FLG: variants seen among roughly 807,000 people sequenced by gnomAD.
FLG encodes epidermal filaggrin.
In FLG, 6 loss-of-function variants were observed where a neutral mutation model predicts 3.8. The observed-to-expected ratio is 1.60, with a 90% CI of 0.87 to 3.15. FLG has a LOEUF of 3.15. Among genes scored for constraint, FLG ranks in the 30% most tolerant of loss-of-function variants. The pLI is 0.00. For synonymous variants in FLG, 2,551 were observed against 1,931.6 expected (o/e 1.32, Z -8.41); for missense variants, 7,595 against 5,050.9 (o/e 1.50, Z -15.27).
Position 152,308,746 on chromosome 1 carries a change from C to T in FLG, c.6140G>A (p.Ser2047Asn), listed in dbSNP as rs758506209. 102 of 1,614,052 alleles carry T rather than the reference C, an allele frequency of 6.3e-5. No individual in the cohort carries two copies. The highest frequency in any genetic ancestry group is 1.6e-4 in the Middle Eastern group (1 of 6,082). The change falls in exon 3 of 3, where the codon AGT becomes AAT. Residue 2047 changes from serine to asparagine, a missense_variant. Physicochemically the swap from Ser to Asn is conservative, Grantham distance 46 (BLOSUM62 1). Transcript: ENST00000368799. ...RGYSGSQASD[S>N]EGHSEDSDTQ... Reference sequence around the variant, plus strand: ...GTCTGAGTCTTCTGAATGTCCCTCACTGTCACTGGCCTGACTACCACTGTA... The same window carrying T: ...GTCTGAGTCTTCTGAATGTCCCTCATTGTCACTGGCCTGACTACCACTGTA...
rs141571186 is a variant in FLG at position 152,308,028 on chromosome 1, G to A, written c.6858C>T (p.His2286=). Residue 2286 remains histidine, a synonymous_variant, in exon 3 of 3, where the codon CAC becomes CAT. Coordinates refer to ENST00000368799, the MANE Select transcript of FLG (RefSeq NM_002016.2). The part of the protein sequence containing the change: ...RDGSRHPRSH[H]EDRAGHGHSA... ...AGTGCCCATGACCGGCTCTGTCTTC[G>A]TGATGGGACCTGGGGTGTCTGGAGC... is the stretch of plus-strand genomic sequence containing the variant. 2.0e-5 allele frequency: 33 copies of A among 1,613,944 alleles called. No homozygotes were observed. The highest frequency in any genetic ancestry group is 5.0e-5 in the Admixed American group (3 of 60,006).
In FLG at chr1:152,308,578, G is replaced by C. The variant is rs565740303; in HGVS notation, c.6308C>G (p.Thr2103Ser). 6.2e-7 allele frequency: 1 copy of C among 1,613,236 alleles called. No individual in the cohort carries two copies. Among genetic ancestry groups the C allele is most frequent in the Non-Finnish European group, 8.5e-7 (1 of 1,179,300 alleles). Residue 2103 changes from threonine (T) to serine (S), a missense_variant, in exon 3 of 3, where the codon ACC becomes AGC. Transcript: ENST00000368799. ...QVSTHEQSES[T>S]HGQSAPSTGG... is the part of the protein sequence containing the mutation. ...AGTGCTGGGCGCAGACTGTCCATGG[G>C]TGGACTCAGACTGTTCATGAGTGCT...
At position 152,309,343 on chromosome 1, in the gene FLG, G is replaced by T; in HGVS notation, c.5543C>A (p.Ser1848Tyr). 2 of 1,613,882 alleles carry T rather than the reference G, an allele frequency of 1.2e-6. No homozygotes were observed. Among genetic ancestry groups the T allele is most frequent in the Non-Finnish European group, 1.7e-6 (2 of 1,179,986 alleles). Residue 1848 changes from serine (S) to tyrosine (Y), a missense_variant, in exon 3 of 3, where the codon TCC (serine) becomes TAC (tyrosine). Coordinates refer to ENST00000368799, the MANE Select transcript of FLG (RefSeq NM_002016.2). The stretch of plus-strand genomic sequence containing the variant: ...ACGGGAGACATCAGACCTTTCCTGG[G>T]ACGTGGTGTGGCTGTGATGAGACCC... ...HSGSHHSHTT[S>Y]QERSDVSRGQ...
At position 152,315,331 on chromosome 1, in the gene FLG, C is replaced by T. The variant is rs749577893; in HGVS notation, c.126G>A (p.Arg42=). The change falls in exon 2 of 3, where the codon CGG becomes CGA. Residue 42 remains arginine, a synonymous_variant. Coordinates refer to ENST00000368799, the MANE Select transcript of FLG (RefSeq NM_002016.2). ...CAGAGACTCTTACCTTCAGGATTTG[C>T]CGAAATTCCTTTTCCAGAAGTTCCT... ...ELKELLEKEF[R]QILKNPDDPD... The T allele has an allele frequency of 1.2e-6, 2 of 1,613,242 alleles. No homozygotes were observed. Among genetic ancestry groups the T allele is most frequent in the Non-Finnish European group, 1.7e-6 (2 of 1,179,518 alleles).
At position 152,310,321 on chromosome 1, in the gene FLG, G is replaced by T; in HGVS notation, c.4565C>A (p.Thr1522Asn). 6.2e-7 allele frequency: 1 copy of T among 1,613,862 alleles called. No homozygotes were observed. The highest frequency in any genetic ancestry group is 8.5e-7 in the Non-Finnish European group (1 of 1,179,960). Residue 1522 changes from threonine (T) to asparagine (N), a missense_variant, in exon 3 of 3, where the codon ACC becomes AAC. Thr to Asn is a moderately conservative substitution (Grantham distance 65). Coordinates refer to ENST00000368799, the MANE Select transcript of FLG (RefSeq NM_002016.2). ...GGCATCAGACCTTCCCTGGGGTGTG[G>T]TGTGGCTGTGATGGTACCCTGAGTG... is the stretch of plus-strand genomic sequence containing the variant. Reference protein sequence around the residue: ...SGHSGYHHSHTTPQGRSDASH... With the variant: ...SGHSGYHHSHNTPQGRSDASH...
At chr1:152,316,730 T>C (rs996347056) in intron 1 of FLG, among the ~76,000 whole-genome samples, 16 of 152,174 alleles carry the variant, frequency 1.1e-4, no homozygotes, top group Non-Finnish European at 1.9e-4. Context: ...TCTCACTCTT[T>C]GACCTTCTCT....
Position 152,309,671 on chromosome 1 carries a change from G to C in FLG, c.5215C>G (p.Gln1739Glu), listed in dbSNP as rs1457441974. Residue 1739 changes from glutamine to glutamate, a missense_variant, in exon 3 of 3, where the codon CAG becomes GAG. Transcript: ENST00000368799. ...SDTQSVSAHG[Q>E]AGPHQQSHQE... is the part of the protein sequence containing the mutation. ...TGGCTCTGCTGATGGGGCCCAGCCT[G>C]TCCGTGGGCTGACACTGACTGTGTG... 1 of 1,613,816 alleles carries C rather than the reference G, an allele frequency of 6.2e-7. No individual in the cohort carries two copies. Among genetic ancestry groups the C allele is most frequent in the African/African-American group, 1.3e-5 (1 of 74,864 alleles).
In FLG at chr1:152,311,488, C is replaced by A. The variant is rs773295506; in HGVS notation, c.3398G>T (p.Arg1133Leu). Reference protein sequence around the residue: ...THEQSESAHGRTRTSTGRRQG... With the variant: ...THEQSESAHGLTRTSTGRRQG... ...TCTTCGTCCAGTGCTGGTCCTGGTC[C>A]GCCCATGGGCAGACTCAGACTGTTC... The change falls in exon 3 of 3, where the codon CGG becomes CTG. Residue 1133 changes from arginine (R) to leucine (L), a missense_variant. Arg to Leu is a moderately radical substitution (Grantham distance 102, BLOSUM62 -2). Transcript: ENST00000368799. 3.1e-6 allele frequency: 5 copies of A among 1,613,500 alleles called. No individual in the cohort carries two copies. The highest frequency in any genetic ancestry group is 1.1e-5 in the South Asian group (1 of 91,052).
In FLG at chr1:152,303,376, G is replaced by C. The variant is rs1320280669; in HGVS notation, c.11510C>G (p.Ala3837Gly). 7 of 1,614,064 alleles carry C rather than the reference G, an allele frequency of 4.3e-6. No homozygotes were observed. The highest frequency in any genetic ancestry group is 1.3e-5 in the African/African-American group (1 of 74,928). The change falls in exon 3 of 3, where the codon GCT becomes GGT. Residue 3837 changes from alanine (A) to glycine (G), a missense_variant. Physicochemically the swap from Ala to Gly is moderately conservative, Grantham distance 60 (BLOSUM62 0). Coordinates refer to ENST00000368799, the MANE Select transcript of FLG (RefSeq NM_002016.2). The part of the protein sequence containing the change: ...GSRHHEASTQ[A>G]DSSRHSQSGQ... Reference sequence around the variant, plus strand: ...GGACTGTGAGTGTCTAGAGCTGTCAGCCTGAGTGGAAGCTTCATGGTGACG... The same window carrying C: ...GGACTGTGAGTGTCTAGAGCTGTCACCCTGAGTGGAAGCTTCATGGTGACG...
chr1:152,313,396 T>C lies in FLG; in HGVS notation c.1490A>G (p.His497Arg), dbSNP rs1470977326. The change falls in exon 3 of 3, where the codon CAC becomes CGC. Residue 497 changes from histidine to arginine, a missense_variant. Transcript: ENST00000368799. ...CCTGGAGCTGTCTCGTGCCTGCTCG[T>C]GGTGCGATCCTTGTCTTCCTCCAGT... ...TSTGGRQGSHHEQARDSSRHS... is the reference protein window; with the variant it reads ...TSTGGRQGSHREQARDSSRHS... 6.2e-7 allele frequency: 1 copy of C among 1,613,694 alleles called. No homozygotes were observed. Among genetic ancestry groups the C allele is most frequent in the Non-Finnish European group, 8.5e-7 (1 of 1,179,908 alleles).
Position 152,304,589 on chromosome 1 carries a change from T to A in FLG, c.10297A>T (p.Thr3433Ser). The part of the protein sequence containing the change: ...RHSASQEGQD[T>S]IRGHPGSSRR... ...CTTGACCCCGGGTGTCCACGAATGG[T>A]GTCCTGACCCTCTTGGGACGCTGAG... The change falls in exon 3 of 3, where the codon ACC becomes TCC. Residue 3433 changes from threonine (T) to serine (S), a missense_variant. Thr to Ser is a moderately conservative substitution (Grantham distance 58, BLOSUM62 1). Transcript: ENST00000368799. 1 of 1,610,178 alleles carries A rather than the reference T, an allele frequency of 6.2e-7. No homozygotes were observed. Among genetic ancestry groups the A allele is most frequent in the Non-Finnish European group, 8.5e-7 (1 of 1,178,250 alleles).
In FLG at chr1:152,307,035, C is replaced by T. The variant is rs775204694; in HGVS notation, c.7851G>A (p.Gly2617=). ...RSHQEDRAGH[G]HSADSSRQSG... Reference sequence around the variant, plus strand: ...ATTGTCTGGAGCTGTCTGCAGAGTGCCCATGACCAGCTCTGTCTTCTTGAT... The same window carrying T: ...ATTGTCTGGAGCTGTCTGCAGAGTGTCCATGACCAGCTCTGTCTTCTTGAT... Residue 2617 remains glycine (G), a synonymous_variant, in exon 3 of 3, where the codon GGG becomes GGA. Coordinates refer to ENST00000368799, the MANE Select transcript of FLG (RefSeq NM_002016.2). The T allele has an allele frequency of 6.2e-7, 1 of 1,603,610 alleles. No individual in the cohort carries two copies. The highest frequency in any genetic ancestry group is 1.7e-5 in the Admixed American group (1 of 58,908).
At position 152,312,909 on chromosome 1, in the gene FLG, G is replaced by A. The variant is rs760567396; in HGVS notation, c.1977C>T (p.His659=). The change falls in exon 3 of 3, where the codon CAC becomes CAT. Residue 659 remains histidine (H), a synonymous_variant. Coordinates refer to ENST00000368799, the MANE Select transcript of FLG (RefSeq NM_002016.2). ...AQEQSRDGSR[H]PRSHHEDRAG... ...CTCTGTCTTCGTGATGGGACCTGGG[G>A]TGTCTGGAGCCATCTCTTGACTGCT... The A allele has an allele frequency of 1.2e-6, 2 of 1,614,034 alleles. No homozygotes were observed. The highest frequency in any genetic ancestry group is 1.7e-5 in the Admixed American group (1 of 60,022).
chr1:152,307,644 G>A lies in FLG; in HGVS notation c.7242C>T (p.Phe2414=). The A allele has an allele frequency of 6.2e-7, 1 of 1,613,506 alleles. No individual in the cohort carries two copies. The highest frequency in any genetic ancestry group is 8.5e-7 in the Non-Finnish European group (1 of 1,179,882). The part of the protein sequence containing the change: ...SAGRSGRSGS[F]LYQVSTHEQS... ...GTTCATGAGTGCTCACCTGGTAGAG[G>A]AAAGACCCTGAACGTCCAGACCTTC... Residue 2414 remains phenylalanine, a synonymous_variant, in exon 3 of 3, where the codon TTC becomes TTT. Transcript: ENST00000368799.
chr1:152,310,591 C>CTG lies in FLG; in HGVS notation c.4294_4295insCA (p.Gly1432AlafsTer15). 1 of 1,613,948 alleles carries CTG rather than the reference C, an allele frequency of 6.2e-7. No homozygotes were observed. Among genetic ancestry groups the CTG allele is most frequent in the Non-Finnish European group, 8.5e-7 (1 of 1,179,958 alleles). ...AGACCTTGAACGTCCAGAGCTTTCC[C>CTG]CTGACTGGCCACGTGCGGACTCTTT... On this transcript the variant is annotated frameshift_variant, in exon 3 of 3. Coordinates refer to ENST00000368799, the MANE Select transcript of FLG (RefSeq NM_002016.2). LOFTEE classifies it low-confidence loss of function (END_TRUNC).
Position 152,314,728 on chromosome 1 carries a change from A to T in FLG, c.158T>A (p.Met53Lys). 1 of 1,613,952 alleles carries T rather than the reference A, an allele frequency of 6.2e-7. No homozygotes were observed. The highest frequency in any genetic ancestry group is 8.5e-7 in the Non-Finnish European group (1 of 1,179,814). ...CAAGTGATCCATGAAGACATCAACC[A>T]TATCTGGGTCATCTGGATTCTGTAC... ...QILKNPDDPD[M>K]VDVFMDHLDI... The change falls in exon 3 of 3, where the codon ATG (methionine) becomes AAG (lysine). Residue 53 changes from methionine (M) to lysine (K), a missense_variant. Physicochemically the swap from Met to Lys is moderately conservative, Grantham distance 95. Transcript: ENST00000368799.
chr1:152,314,512 G>A lies in FLG; in HGVS notation c.374C>T (p.Pro125Leu), dbSNP rs1398839127. Residue 125 changes from proline (P) to leucine (L), a missense_variant, in exon 3 of 3, where the codon CCC becomes CTC. Physicochemically the swap from Pro to Leu is moderately conservative, Grantham distance 98. Coordinates refer to ENST00000368799, the MANE Select transcript of FLG (RefSeq NM_002016.2). ...QEENKENRKR[P>L]SSLERRNNRK... is the part of the protein sequence containing the mutation. ...ATTGTTTCTTCTTTCCAGACTTGAG[G>A]GTCTTTTTCTGTTTTCTTTGTTTTC... 2 of 1,612,510 alleles carry A rather than the reference G, an allele frequency of 1.2e-6. No homozygotes were observed. The highest frequency in any genetic ancestry group is 2.2e-5 in the South Asian group (2 of 90,988).
chr1:152,323,399 C>T (rs918162580), intron 1 of FLG, among the ~76,000 whole-genome samples: 1 of 151,502 alleles, frequency 6.6e-6, no homozygotes, highest in Non-Finnish European at 1.5e-5. Context: ...CACATTTAAC[C>T]AATAAAGGAA....
Position 152,306,253 on chromosome 1 carries a change from G to C in FLG, c.8633C>G (p.Ser2878Ter). Residue 2878 changes from serine (S) to a stop codon, truncating the protein, a stop_gained, in exon 3 of 3, where the codon TCA (serine) becomes TGA (stop). Coordinates refer to ENST00000368799, the MANE Select transcript of FLG (RefSeq NM_002016.2). LOFTEE classifies it low-confidence loss of function (END_TRUNC). ...GCGCCTGCTTCTCCTGGACCCCTCTGATTGTCCCTGGACTGCCTGTGAGTG... is the reference window on the plus strand; with the variant it reads ...GCGCCTGCTTCTCCTGGACCCCTCTCATTGTCCCTGGACTGCCTGTGAGTG... ...SRHSQAVQGQ[S>*]EGSRRSRRQG... 1.2e-6 allele frequency: 2 copies of C among 1,605,198 alleles called. No individual in the cohort carries two copies. The highest frequency in any genetic ancestry group is 8.5e-7 in the Non-Finnish European group (1 of 1,180,048).
Sources: allele counts gnomAD v4.1 joint callset (sites outside exome capture counted in the v4.1 genomes callset), GRCh38; gene constraint gnomAD v4.1.1; transcripts MANE v1.5; gene names NCBI Gene and HGNC (gene_info 2026-07-23, HGNC 2026-07-21).